The following ANKS1B variants were observed in gnomAD, a reference collection of about 807,000 sequenced individuals.
ANKS1B encodes the protein ankyrin repeat and sterile alpha motif domain-containing protein 1B.
A neutral mutation model predicts 148.3 loss-of-function variants in ANKS1B; 36 were observed. That is an observed-to-expected ratio of 0.24 (90% confidence interval 0.19 to 0.32). The LOEUF (loss-of-function observed/expected upper bound fraction) is 0.32. ANKS1B is among the 10% of genes least tolerant of loss of function. ANKS1B has a pLI of 1.00. For synonymous variants in ANKS1B, 542 were observed against 560.8 expected, an observed-to-expected ratio of 0.97 and a Z score of 0.47; for missense variants, 1,157 against 1,542.6, an observed-to-expected ratio of 0.75 and a Z score of 4.19.
intron 17 of ANKS1B, among the ~76,000 whole-genome samples, chr12:98,997,347 T>G (rs1265658588): frequency 6.6e-6 from 1 of 152,008 alleles, no homozygotes; most frequent in Non-Finnish European, 1.5e-5. Flanking sequence ...AAACAAGAAT[T>G]ATAATTTGTC....
chr12:99,553,894 G>C lies in ANKS1B; in HGVS notation c.1273-49253C>G, dbSNP rs114798163. Among the ~76,000 whole-genome samples the C allele has an allele frequency of 8.7e-3, 1,318 of 152,264 alleles. 26 individuals carry two copies. The highest frequency in any genetic ancestry group is 0.03 in the African/African-American group (1,255 of 41,536). On this transcript the variant is annotated intron_variant, in intron 9 of 26. Coordinates refer to ENST00000683438, the MANE Select transcript of ANKS1B (RefSeq NM_001352186.2). The stretch of plus-strand genomic sequence containing the variant: ...TGTCTTTACGTTAGCTTCAGTGACT[G>C]GTTCAAGGTTGAACAAATGAACCAC...
At position 98,786,689 on chromosome 12, in the gene ANKS1B, G is replaced by A. The variant is rs140431295; in HGVS notation, c.3343-4552C>T. 4.6e-3 allele frequency among the ~76,000 whole-genome samples: 700 copies of A among 152,340 alleles called. 3 individuals are homozygous for A. Among genetic ancestry groups the A allele is most frequent in the Middle Eastern group, 0.02 (6 of 294 alleles). On this transcript the variant is annotated intron_variant, in intron 22 of 26. Coordinates refer to ENST00000683438, the MANE Select transcript of ANKS1B (RefSeq NM_001352186.2). ...TTTCCGAGCACGAATGAAAGCAGAG[G>A]GGTTTATGATGGGGAGCACTTCAGT...
chr12:99,647,549 G>A (rs1482147300), intron 9 of ANKS1B, among the ~76,000 whole-genome samples: 1 of 152,130 alleles, frequency 6.6e-6, no homozygotes, highest in Non-Finnish European at 1.5e-5. Context: ...TTGCCAGAAT[G>A]CATTAAGGTC....
intron 17 of ANKS1B, among the ~76,000 whole-genome samples, chr12:98,910,878 C>T (rs371411742): frequency 1.1e-4 from 16 of 152,138 alleles, no homozygotes; most frequent in Admixed American, 2.0e-4. Flanking sequence ...TATGATCTAG[C>T]GATAGGAAAT....
chr12:99,640,265 G>C (rs755882399), intron 9 of ANKS1B, among the ~76,000 whole-genome samples: 1 of 152,096 alleles, frequency 6.6e-6, no homozygotes, highest in Non-Finnish European at 1.5e-5. Context: ...TCAGCTGTCC[G>C]TACTTCATCC....
intron 12 of ANKS1B, among the ~76,000 whole-genome samples, chr12:99,354,181 T>C (rs569075764): frequency 6.6e-6 from 1 of 152,172 alleles, no homozygotes; most frequent in Non-Finnish European, 1.5e-5. Flanking sequence ...AAAGAGATCT[T>C]TAGTTATATA....
At chr12:99,871,253 T>C (rs923036444) in intron 1 of ANKS1B, among the ~76,000 whole-genome samples, 1 of 152,178 alleles carries the variant, frequency 6.6e-6, no homozygotes, top group African/African-American at 2.4e-5. Context: ...TTCTCTATTC[T>C]GTCCCATTGG....
chr12:99,437,221 C>A (rs1228967437), intron 11 of ANKS1B, among the ~76,000 whole-genome samples: 1 of 151,892 alleles, frequency 6.6e-6, no homozygotes, highest in Non-Finnish European at 1.5e-5. Context: ...CAAGGGTGAA[C>A]AAGTTCCCAT....
intron 10 of ANKS1B, among the ~76,000 whole-genome samples, chr12:99,485,341 A>G (rs2096473877): frequency 6.6e-6 from 1 of 152,076 alleles, no homozygotes; most frequent in Non-Finnish European, 1.5e-5. Flanking sequence ...ATAGGACCCC[A>G]CACCTCTCTG....
Position 99,663,218 on chromosome 12 carries a change from G to A in ANKS1B, c.1129-8008C>T, listed in dbSNP as rs535771409. On this transcript the variant is annotated intron_variant, in intron 8 of 26. Transcript: ENST00000683438. ...ATGATCAGATAGATGATAGGTCAGT[G>A]ATCATATTACTCACAAAGGAACAGA... 2.0e-5 allele frequency among the ~76,000 whole-genome samples: 3 copies of A among 152,134 alleles called. 1 individual carries two copies. The highest frequency in any genetic ancestry group is 7.2e-5 in the African/African-American group (3 of 41,538).
intron 12 of ANKS1B, among the ~76,000 whole-genome samples, chr12:99,262,293 G>T: frequency 6.6e-6 from 1 of 151,840 alleles, no homozygotes. Flanking sequence ...AGACATTTTT[G>T]TCCCTATCAT....
intron 17 of ANKS1B, among the ~76,000 whole-genome samples, chr12:98,958,557 A>G (rs1361015845): frequency 6.6e-6 from 1 of 152,256 alleles, no homozygotes. Context: ...TTGATTACAC[A>G]TATGTATACA....
chr12:99,512,004 CAA>C (rs1206299145), intron 9 of ANKS1B, among the ~76,000 whole-genome samples: 1 of 152,000 alleles, frequency 6.6e-6, no homozygotes, highest in Non-Finnish European at 1.5e-5. Context: ...TAGGCATGGG[CAA>C]AGACTTCATG....
intron 12 of ANKS1B, among the ~76,000 whole-genome samples, chr12:99,281,646 A>G (rs2078474149): frequency 6.6e-6 from 1 of 152,214 alleles, no homozygotes; most frequent in Non-Finnish European, 1.5e-5. Context: ...CATAACTAGT[A>G]TATCAAACTT....
At chr12:99,792,569 A>G (rs2065788653) in intron 4 of ANKS1B, among the ~76,000 whole-genome samples, 1 of 152,052 alleles carries the variant, frequency 6.6e-6, no homozygotes, top group African/African-American at 2.4e-5. Context: ...ATGCAAATCA[A>G]TCAATGTGAT....
chr12:99,434,946 T>TA (rs1335892169), intron 11 of ANKS1B, among the ~76,000 whole-genome samples: 1 of 152,206 alleles, frequency 6.6e-6, no homozygotes, highest in African/African-American at 2.4e-5. Flanking sequence ...GCACAAAGTA[T>TA]AAAAAATTAC....
At chr12:98,783,499 T>G (rs2098757366) in intron 22 of ANKS1B, among the ~76,000 whole-genome samples, 1 of 152,156 alleles carries the variant, frequency 6.6e-6, no homozygotes, top group Non-Finnish European at 1.5e-5. Flanking sequence ...ATGAACAACA[T>G]GCCTCCAGGA....
At chr12:99,872,182 C>T (rs1014691173) in intron 1 of ANKS1B, among the ~76,000 whole-genome samples, 3 of 152,050 alleles carry the variant, frequency 2.0e-5, no homozygotes, top group Non-Finnish European at 4.4e-5. Context: ...TACAGCCACT[C>T]TGGAAAAATA....
chr12:99,923,248 T>C (rs1169099328), intron 1 of ANKS1B, among the ~76,000 whole-genome samples: 1 of 152,104 alleles, frequency 6.6e-6, no homozygotes, highest in African/African-American at 2.4e-5. Context: ...TCTGGGAAGG[T>C]AATATCTGTT....
Sources: allele counts gnomAD v4.1 joint callset (sites outside exome capture counted in the v4.1 genomes callset), GRCh38; gene constraint gnomAD v4.1.1; transcripts MANE v1.5; gene names NCBI Gene and HGNC (gene_info 2026-07-23, HGNC 2026-07-21).